Variants in MAP7 observed in about 807,000 individuals in gnomAD.
MAP7 encodes the protein microtubule associated protein 7.
In MAP7, 52 loss-of-function variants were observed where a neutral mutation model predicts 94.8. That is an observed-to-expected ratio of 0.55 (90% CI 0.44 to 0.69). The LOEUF is 0.69. MAP7 is among the 30% of genes least tolerant of loss of function. MAP7 has a pLI of 0.00. For missense variants in MAP7, 940 were observed against 964.6 expected, an observed-to-expected ratio of 0.97 and a Z score of 0.34; for synonymous variants, 350 against 357.0, an observed-to-expected ratio of 0.98 and a Z score of 0.22.
intron 3 of MAP7, among the ~76,000 whole-genome samples, chr6:136,397,548 G>C (rs1474894585): frequency 9.3e-6 from 1 of 107,510 alleles, no homozygotes. Flanking sequence ...TAACCCCCAA[G>C]GTAAATACAT....
intron 3 of MAP7, among the ~76,000 whole-genome samples, chr6:136,407,465 C>T (rs1471448230): frequency 6.6e-6 from 1 of 152,152 alleles, no homozygotes; most frequent in African/African-American, 2.4e-5. Context: ...AATTGTGATA[C>T]AGTGCTAGGA....
At chr6:136,454,774 C>T (rs1417712816) in intron 1 of MAP7, among the ~76,000 whole-genome samples, 5 of 152,050 alleles carry the variant, frequency 3.3e-5, no homozygotes, top group Non-Finnish European at 5.9e-5. Context: ...TGACCCTCAC[C>T]TGTACTCACA....
At chr6:136,377,625 A>G (rs368133004) in intron 7 of MAP7, 130 bp downstream of exon 7, 6 of 667,708 alleles carry the variant, frequency 9.0e-6, no homozygotes, top group South Asian at 5.2e-5. Flanking sequence ...GTATGAAACC[A>G]ACACCGACAG....
Position 136,366,375 on chromosome 6 carries a change from A to G in MAP7, c.941T>C (p.Val314Ala), listed in dbSNP as rs370398745. 1 of 1,614,238 alleles carries G rather than the reference A, an allele frequency of 6.2e-7. No individual in the cohort carries two copies. ...TCTTGCTTTGGGATTAGATGGAGAT[A>G]CAGCCCTTCGGGTGCCAGATGTGAG... ...LFLTSGTRRA[V>A]SPSNPKARQP... The change falls in exon 9 of 18, where the codon GTA (valine) becomes GCA (alanine). Residue 314 changes from valine to alanine, a missense_variant. Transcript: ENST00000354570.
chr6:136,388,315 T>C, intron 5 of MAP7, 78 bp downstream of exon 5: 2 of 1,069,216 alleles, frequency 1.9e-6, no homozygotes, highest in Non-Finnish European at 1.4e-6. Flanking sequence ...TTCGCAAACA[T>C]AGATTTAGAA....
intron 1 of MAP7, among the ~76,000 whole-genome samples, chr6:136,514,047 T>A (rs1416435440): frequency 6.6e-6 from 1 of 152,118 alleles, no homozygotes; most frequent in African/African-American, 2.4e-5. Context: ...CTGGAGTCAA[T>A]AGGGGTTTGG....
intron 3 of MAP7, among the ~76,000 whole-genome samples, chr6:136,401,335 T>C (rs1401885281): frequency 6.6e-6 from 1 of 152,134 alleles, no homozygotes; most frequent in African/African-American, 2.4e-5. Context: ...CTGGGTGACA[T>C]GTTTATTGAG....
At chr6:136,384,571 T>C (rs1429235374) in intron 5 of MAP7, among the ~76,000 whole-genome samples, 1 of 151,880 alleles carries the variant, frequency 6.6e-6, no homozygotes, top group Non-Finnish European at 1.5e-5. Flanking sequence ...GCAGCCTCGA[T>C]CTCCTGGGCT....
intron 16 of MAP7, among the ~76,000 whole-genome samples, chr6:136,346,903 G>C (rs1787856964): frequency 6.6e-6 from 1 of 152,140 alleles, no homozygotes; most frequent in African/African-American, 2.4e-5. Context: ...ACACTTTCTA[G>C]ATATTCCAGC....
intron 3 of MAP7, among the ~76,000 whole-genome samples, chr6:136,390,882 C>G (rs1432885893): frequency 6.6e-6 from 1 of 152,090 alleles, no homozygotes; most frequent in African/African-American, 2.4e-5. Context: ...TGGCATCATT[C>G]AGGGTGGTTT....
intron 16 of MAP7, among the ~76,000 whole-genome samples, chr6:136,351,938 C>G (rs1214420326): frequency 2.0e-5 from 3 of 152,264 alleles, no homozygotes; most frequent in Admixed American, 6.5e-5. Flanking sequence ...CAGCCTCCCC[C>G]CAGCACCCCC....
At chr6:136,366,558 T>C (rs886755296) in intron 8 of MAP7, 119 bp from the exon 9 acceptor site, 1 of 694,270 alleles carries the variant, frequency 1.4e-6, no homozygotes, top group Non-Finnish European at 2.5e-6. Context: ...CTTAGCTATG[T>C]CACATATACC....
At chr6:136,543,847 G>A (rs939406249) in intron 1 of MAP7, among the ~76,000 whole-genome samples, 3 of 151,978 alleles carry the variant, frequency 2.0e-5, no homozygotes, top group African/African-American at 7.3e-5. Context: ...TAATGTTAAC[G>A]GTGGTGCTTA....
chr6:136,525,244 C>T (rs985687912), intron 1 of MAP7, among the ~76,000 whole-genome samples: 27 of 152,310 alleles, frequency 1.8e-4, no homozygotes, highest in African/African-American at 5.5e-4. Context: ...TTATCATCAA[C>T]AGTTATACAA....
At chr6:136,352,670 C>A (rs901223303) in intron 16 of MAP7, among the ~76,000 whole-genome samples, 1 of 151,772 alleles carries the variant, frequency 6.6e-6, no homozygotes, top group African/African-American at 2.4e-5. Context: ...CTGATTAGAC[C>A]CCGACTGATA....
intron 1 of MAP7, among the ~76,000 whole-genome samples, chr6:136,439,558 C>T (rs1036563682): frequency 2.6e-5 from 4 of 152,156 alleles, no homozygotes; most frequent in African/African-American, 7.2e-5. Flanking sequence ...AGATGAATAA[C>T]GCCACACTGC....
At chr6:136,415,606 GAATGTATAT>G (rs924830270) in intron 2 of MAP7, among the ~76,000 whole-genome samples, 4 of 152,110 alleles carry the variant, frequency 2.6e-5, no homozygotes, top group Non-Finnish European at 4.4e-5. Context: ...AGTGCCTTTT[GAATGTATAT>G]TCTGAAAATA....
At chr6:136,396,055 T>C (rs1332245877) in intron 3 of MAP7, among the ~76,000 whole-genome samples, 1 of 152,174 alleles carries the variant, frequency 6.6e-6, no homozygotes, top group Non-Finnish European at 1.5e-5. Context: ...TGGGGTCTTC[T>C]GTGGTTCCAC....
At chr6:136,524,472 C>T in intron 1 of MAP7, among the ~76,000 whole-genome samples, 1 of 152,190 alleles carries the variant, frequency 6.6e-6, no homozygotes, top group East Asian at 1.9e-4. Context: ...GAGCAACACA[C>T]TCTGGTTCAA....
Sources: gnomAD v4.1 joint callset for allele counts (sites outside exome capture counted in the v4.1 genomes callset) on GRCh38, gnomAD v4.1.1 for gene constraint, MANE v1.5 for transcripts, NCBI Gene and HGNC (gene_info 2026-07-23, HGNC 2026-07-21) for gene names.